Variants in GREB1L observed in about 807,000 individuals in gnomAD.
GREB1L encodes GREB1-like protein.
A neutral mutation model predicts 200.8 loss-of-function variants in GREB1L; 17 were observed. The observed-to-expected ratio is 0.08, with a 90% CI of 0.06 to 0.13. The LOEUF is 0.13. GREB1L is among the 10% of genes least tolerant of loss of function. The probability of loss-of-function intolerance (pLI) is 1.00; values close to 1 mark genes in which losing one functional copy is unlikely to be tolerated. For missense variants in GREB1L, 1,657 were observed against 2,367.7 expected (o/e 0.70, Z 6.23); for synonymous variants, 789 against 893.0 (o/e 0.88, Z 2.08).
At chr18:21,354,838 T>G (rs921672825) in intron 1 of GREB1L, among the ~76,000 whole-genome samples, 2 of 152,202 alleles carry the variant, frequency 1.3e-5, no homozygotes, top group African/African-American at 4.8e-5. Context: ...AAGAGAACAT[T>G]GCAAGATAAG....
intron 1 of GREB1L, among the ~76,000 whole-genome samples, chr18:21,257,498 A>G (rs1459220015): frequency 1.3e-5 from 2 of 152,232 alleles, no homozygotes; most frequent in Non-Finnish European, 2.9e-5. Context: ...TCTACTGAAG[A>G]TCTTTTAGAG....
intron 1 of GREB1L, among the ~76,000 whole-genome samples, chr18:21,298,044 T>G (rs1198585393): frequency 6.6e-6 from 1 of 152,070 alleles, no homozygotes; most frequent in African/African-American, 2.4e-5. Context: ...AAGGCTTGCT[T>G]TTGTGGAATC....
At chr18:21,354,452 TTGAG>T (rs1373472750) in intron 1 of GREB1L, among the ~76,000 whole-genome samples, 2 of 152,176 alleles carry the variant, frequency 1.3e-5, no homozygotes, top group Admixed American at 6.5e-5. Flanking sequence ...AAAAAATAGT[TTGAG>T]TGCCTCTTAT....
chr18:21,381,925 A>T (rs1203715801), intron 2 of GREB1L, among the ~76,000 whole-genome samples: 9 of 152,212 alleles, frequency 5.9e-5, no homozygotes, highest in African/African-American at 2.2e-4. Context: ...AAGTCAACAC[A>T]TTCAGGGTGA....
At chr18:21,402,950 T>C (rs1349843760) in intron 6 of GREB1L, among the ~76,000 whole-genome samples, 1 of 151,740 alleles carries the variant, frequency 6.6e-6, no homozygotes, top group African/African-American at 2.4e-5. Flanking sequence ...AATATACATA[T>C]ATGCGTATAT....
intron 16 of GREB1L, among the ~76,000 whole-genome samples, chr18:21,476,738 T>C (rs2035716603): frequency 7.8e-6 from 1 of 128,778 alleles, no homozygotes; most frequent in Non-Finnish European, 1.5e-5. Flanking sequence ...CCAGCTAATT[T>C]TTTTTGTATT....
At chr18:21,340,064 C>G (rs1359776706) in intron 1 of GREB1L, among the ~76,000 whole-genome samples, 3 of 152,214 alleles carry the variant, frequency 2.0e-5, no homozygotes, top group Non-Finnish European at 4.4e-5. Context: ...CCCGCAGGAT[C>G]TGATGCTACA....
At chr18:21,329,969 TG>T (rs34186385) in intron 1 of GREB1L, among the ~76,000 whole-genome samples, 60,711 of 129,124 alleles carry the variant, frequency 0.47, 13,353 homozygotes, top group South Asian at 0.52. Context: ...GTTTTTTTTT[TG>T]GGGGGGGGGG....
At chr18:21,284,193 A>G (rs1243959606) in intron 1 of GREB1L, among the ~76,000 whole-genome samples, 2 of 152,212 alleles carry the variant, frequency 1.3e-5, no homozygotes, top group Admixed American at 6.5e-5. Flanking sequence ...GCTATAATTC[A>G]CATAAAACTC....
rs2037630144 is a variant in GREB1L at position 21,523,069 on chromosome 18, T to C, written c.*248T>C. ...TAGGCAGTTATGCAATTACTTAAGA[T>C]ACGGTCTGCCCATGGGATCCTGAGG... On this transcript the variant is annotated 3_prime_UTR_variant, in exon 33 of 33. Coordinates refer to ENST00000424526, the MANE Select transcript of GREB1L (RefSeq NM_001142966.3). The C allele has an allele frequency of 2.7e-6, 1 of 373,390 alleles. No homozygotes were observed. The highest frequency in any genetic ancestry group is 4.5e-5 in the Admixed American group (1 of 22,382). The allele number at this position is 373,390 out of a possible 1,614,324, so 23.1% of individuals were successfully genotyped here.
intron 1 of GREB1L, among the ~76,000 whole-genome samples, chr18:21,356,896 A>G (rs1346183820): frequency 2.0e-5 from 3 of 151,952 alleles, no homozygotes; most frequent in African/African-American, 7.3e-5. Flanking sequence ...CCTCATTGTG[A>G]TTTTAATTTA....
At chr18:21,431,268 G>A (rs941705730) in intron 7 of GREB1L, among the ~76,000 whole-genome samples, 11 of 151,942 alleles carry the variant, frequency 7.2e-5, no homozygotes, top group African/African-American at 1.7e-4. Flanking sequence ...CAAGTGATCC[G>A]CCTGCCTCGG....
intron 1 of GREB1L, among the ~76,000 whole-genome samples, chr18:21,282,119 A>T (rs555324027): frequency 7.2e-5 from 11 of 151,906 alleles, no homozygotes; most frequent in South Asian, 2.1e-4. Flanking sequence ...CGAAAAATTT[A>T]AAAAAAAGAA....
At chr18:21,423,081 C>T (rs1349082379) in intron 7 of GREB1L, among the ~76,000 whole-genome samples, 2 of 152,082 alleles carry the variant, frequency 1.3e-5, no homozygotes, top group Non-Finnish European at 2.9e-5. Flanking sequence ...CAGGCAGGTG[C>T]CACCATGCCC....
chr18:21,278,404 AT>A lies in GREB1L; in HGVS notation c.-120+36012del, dbSNP rs1218791718. On this transcript the variant is annotated intron_variant, in intron 1 of 32. Coordinates refer to ENST00000424526, the MANE Select transcript of GREB1L (RefSeq NM_001142966.3). ...TCAAAAAAAAAAAATAAATAAATAA[AT>A]AAATAAATAAATAAATAAATAAATA... Among the ~76,000 whole-genome samples, 105 of 146,072 alleles carry A rather than the reference AT, an allele frequency of 7.2e-4. 2 individuals are homozygous for A. The Middle Eastern group carries it at 0.014, about 19-fold the overall frequency.
intron 31 of GREB1L, among the ~76,000 whole-genome samples, chr18:21,519,445 G>A (rs941833964): frequency 6.6e-6 from 1 of 152,036 alleles, no homozygotes; most frequent in African/African-American, 2.4e-5. Context: ...CTAAGTGACA[G>A]AGACCCCATC....
intron 23 of GREB1L, among the ~76,000 whole-genome samples, chr18:21,503,830 G>A (rs34754451): frequency 0.017 from 2,537 of 150,268 alleles, 70 homozygotes; most frequent in African/African-American, 0.057. Context: ...CACCCACCTC[G>A]GCCTCCTAAA....
intron 4 of GREB1L, among the ~76,000 whole-genome samples, chr18:21,387,974 T>A (rs1187348209): frequency 6.6e-6 from 1 of 152,202 alleles, no homozygotes; most frequent in Non-Finnish European, 1.5e-5. Context: ...CTGATCTGAA[T>A]CCCAGCAATG....
intron 17 of GREB1L, among the ~76,000 whole-genome samples, chr18:21,479,416 C>T (rs2035835913): frequency 6.6e-6 from 1 of 152,030 alleles, no homozygotes; most frequent in African/African-American, 2.4e-5. Flanking sequence ...CAGTGGCTCA[C>T]ACCTGTAATC....
Sources: gnomAD v4.1 joint callset for allele counts (sites outside exome capture counted in the v4.1 genomes callset) on GRCh38, gnomAD v4.1.1 for gene constraint, MANE v1.5 for transcripts, NCBI Gene and HGNC (gene_info 2026-07-23, HGNC 2026-07-21) for gene names.